FGD6: variants seen among roughly 807,000 people sequenced by gnomAD.
FGD6 encodes FYVE, RhoGEF and PH domain containing 6, also known as FYVE, RhoGEF and PH domain-containing protein 6.
FGD6 carries 90 observed loss-of-function variants against 149.4 expected under a neutral mutation model. The ratio of observed to expected loss-of-function variants is 0.60; its 90% CI spans 0.51 to 0.72. FGD6 has a LOEUF of 0.72. FGD6 is among the 30% of genes least tolerant of loss of function. The probability of loss-of-function intolerance (pLI) is 0.00; values close to 1 mark genes in which losing one functional copy is unlikely to be tolerated. For synonymous variants in FGD6, 527 were observed against 584.0 expected (o/e 0.90, Z 1.41); for missense variants, 1,437 against 1,684.8 (o/e 0.85, Z 2.57).
chr12:95,129,575 A>C (rs1424769411), intron 8 of FGD6, among the ~76,000 whole-genome samples: 1 of 152,220 alleles, frequency 6.6e-6, no homozygotes, highest in Non-Finnish European at 1.5e-5. Context: ...TGATAACTAC[A>C]AGTTAAGAAA....
At chr12:95,084,390 G>T in intron 20 of FGD6, 108 bp downstream of exon 20, 1 of 866,944 alleles carries the variant, frequency 1.2e-6, no homozygotes, top group South Asian at 2.4e-5. Context: ...TAAAATCTCT[G>T]ATGTAAATTT....
rs1881309280 is a variant in FGD6 at position 95,182,349 on chromosome 12, C to A, written c.2442-9605G>T. ...TCCAGAGTAGCTGGGACTACAGGTG[C>A]CCCACCACGCCCGGCTAATTTTTGT... On this transcript the variant is annotated intron_variant, in intron 2 of 20. Transcript: ENST00000343958. Among the ~76,000 whole-genome samples the A allele has an allele frequency of 4.0e-5, 6 of 151,450 alleles. No individual in the cohort carries two copies. The South Asian group carries it at 1.3e-3, about 32-fold the overall frequency.
chr12:95,090,973 G>A (rs906094073), intron 17 of FGD6, among the ~76,000 whole-genome samples: 3 of 152,078 alleles, frequency 2.0e-5, no homozygotes, highest in Admixed American at 6.6e-5. Context: ...GTGGTCACGC[G>A]TGCCCGTAAT....
chr12:95,186,776 T>C (rs1174288449), intron 2 of FGD6, among the ~76,000 whole-genome samples: 1 of 152,156 alleles, frequency 6.6e-6, no homozygotes, highest in Non-Finnish European at 1.5e-5. Flanking sequence ...AAGCAGTATA[T>C]TTCCTTTGGG....
At chr12:95,183,834 C>G (rs935053944) in intron 2 of FGD6, among the ~76,000 whole-genome samples, 5 of 152,118 alleles carry the variant, frequency 3.3e-5, no homozygotes, top group Non-Finnish European at 5.9e-5. Flanking sequence ...AAGAACCTGT[C>G]TCAAACAACA....
chr12:95,176,055 A>G (rs1458218913), intron 2 of FGD6, among the ~76,000 whole-genome samples: 2 of 152,070 alleles, frequency 1.3e-5, no homozygotes, highest in African/African-American at 4.8e-5. Context: ...TTCCCAAACA[A>G]CTGTTGTCAG....
At chr12:95,108,966 G>C (rs1403410436) in intron 9 of FGD6, among the ~76,000 whole-genome samples, 1 of 152,096 alleles carries the variant, frequency 6.6e-6, no homozygotes, top group Non-Finnish European at 1.5e-5. Context: ...TGGGAGAAAA[G>C]GATCGTGAGG....
At chr12:95,084,757 G>A in intron 19 of FGD6, 111 bp from the exon 20 acceptor site, 1 of 872,872 alleles carries the variant, frequency 1.1e-6, no homozygotes. Context: ...TCACATATAA[G>A]GTAATGATAA....
chr12:95,095,638 A>T (rs1878209367), intron 14 of FGD6, among the ~76,000 whole-genome samples: 1 of 152,166 alleles, frequency 6.6e-6, no homozygotes, highest in Non-Finnish European at 1.5e-5. Flanking sequence ...TCATAATAAA[A>T]CAAAATTCAT....
chr12:95,183,578 C>T (rs1014928685), intron 2 of FGD6, among the ~76,000 whole-genome samples: 3 of 152,190 alleles, frequency 2.0e-5, no homozygotes, highest in African/African-American at 4.8e-5. Context: ...AGGCCAGGAG[C>T]GGTGGTTCCC....
intron 5 of FGD6, among the ~76,000 whole-genome samples, chr12:95,142,808 AATTC>A (rs1250918385): frequency 1.3e-5 from 2 of 152,174 alleles, no homozygotes; most frequent in African/African-American, 4.8e-5. Flanking sequence ...CCTCTCAATA[AATTC>A]ACCAGGGTTT....
At chr12:95,085,308 G>A (rs888772302) in intron 19 of FGD6, among the ~76,000 whole-genome samples, 4 of 146,234 alleles carry the variant, frequency 2.7e-5, no homozygotes, top group Admixed American at 1.4e-4. Context: ...TCTGCCTCCC[G>A]GGTTCAAGCA....
chr12:95,175,692 C>CAG (rs373140890), intron 2 of FGD6, among the ~76,000 whole-genome samples: 1 of 150,502 alleles, frequency 6.6e-6, no homozygotes, highest in East Asian at 2.0e-4. Context: ...TTGCAGTACT[C>CAG]AGGAGGCTGA....
chr12:95,172,001 C>A, intron 3 of FGD6, among the ~76,000 whole-genome samples: 1 of 126,174 alleles, frequency 7.9e-6, no homozygotes, highest in Non-Finnish European at 1.6e-5. Context: ...AAAAAATCTA[C>A]AAAAAATTGG....
chr12:95,206,722 G>C (rs574246772), intron 2 of FGD6, among the ~76,000 whole-genome samples: 2 of 150,818 alleles, frequency 1.3e-5, no homozygotes, highest in South Asian at 4.2e-4. Flanking sequence ...AAAAGAAAAA[G>C]AAGTACTTAT....
At chr12:95,208,267 T>G (rs1334603387) in intron 2 of FGD6, among the ~76,000 whole-genome samples, 1 of 152,078 alleles carries the variant, frequency 6.6e-6, no homozygotes, top group East Asian at 1.9e-4. Flanking sequence ...AAAAATTTTT[T>G]TTTAATTAAA....
At chr12:95,138,841 G>A (rs930893077) in intron 6 of FGD6, among the ~76,000 whole-genome samples, 19 of 152,136 alleles carry the variant, frequency 1.2e-4, no homozygotes, top group African/African-American at 2.7e-4. Context: ...CTACCACAGC[G>A]TCCTATTTCA....
rs1193310027 is a variant in FGD6 at position 95,080,836 on chromosome 12, CT to C, written c.*683del. ...TGTGGTATTCTGCAAATAAAAACAT[CT>C]TCATTCCTACTCACAGTTTTAAAAA... On this transcript the variant is annotated 3_prime_UTR_variant, in exon 21 of 21. Transcript: ENST00000343958. 6.6e-6 allele frequency: 1 copy of C among 152,144 alleles called. No individual in the cohort carries two copies. The highest frequency in any genetic ancestry group is 1.5e-5 in the Non-Finnish European group (1 of 68,012). 9.4% of individuals were successfully genotyped at this position (152,144 alleles called of 1,614,324 possible). A position where few individuals can be genotyped will look rare whatever the true frequency, so the allele number is the denominator to read the frequency against.
chr12:95,080,701 A>G lies in FGD6; in HGVS notation c.*819T>C, dbSNP rs1470015416. The G allele has an allele frequency of 6.6e-6, 1 of 152,206 alleles. No homozygotes were observed. Among genetic ancestry groups the G allele is most frequent in the Non-Finnish European group, 1.5e-5 (1 of 68,032 alleles). The allele number at this position is 152,206 out of a possible 1,614,324, so 9.4% of individuals were successfully genotyped here. ...TTATAATAGCAGGGAATATTATGTG[A>G]CATAATGCTTGCTATATTTTGCTAT... is the stretch of plus-strand genomic sequence containing the variant. On this transcript the variant is annotated 3_prime_UTR_variant, in exon 21 of 21. Coordinates refer to ENST00000343958, the MANE Select transcript of FGD6 (RefSeq NM_018351.4).
Sources: gnomAD v4.1 joint callset for allele counts (sites outside exome capture counted in the v4.1 genomes callset) on GRCh38, gnomAD v4.1.1 for gene constraint, MANE v1.5 for transcripts, NCBI Gene and HGNC (gene_info 2026-07-23, HGNC 2026-07-21) for gene names.